Variants in RHBDD1 observed in about 807,000 individuals in gnomAD.
RHBDD1 encodes the protein rhomboid-related protein 4.
RHBDD1 carries 38 observed loss-of-function variants against 36.3 expected under a neutral mutation model. That is an observed-to-expected ratio of 1.05 (90% CI 0.81 to 1.37). RHBDD1 has a LOEUF of 1.37. RHBDD1 is among the 40% of genes most tolerant of loss of function. The pLI is 0.00. For missense variants in RHBDD1, 393 were observed against 377.6 expected, an observed-to-expected ratio of 1.04 and a Z score of -0.34; for synonymous variants, 151 against 136.5, an observed-to-expected ratio of 1.11 and a Z score of -0.74.
chr2:226,938,488 A>G (rs898420490), intron 8 of RHBDD1, among the ~76,000 whole-genome samples: 5 of 152,202 alleles, frequency 3.3e-5, no homozygotes, highest in Non-Finnish European at 5.9e-5. Flanking sequence ...AGAGAATATT[A>G]TAAATACCTC....
At chr2:226,853,746 G>A (rs1436160629) in intron 3 of RHBDD1, among the ~76,000 whole-genome samples, 2 of 152,244 alleles carry the variant, frequency 1.3e-5, no homozygotes, top group African/African-American at 4.8e-5. Flanking sequence ...TGGTGAGAGA[G>A]TCCATGTGAC....
At chr2:226,812,879 A>T in the RHBDD1 span, among the ~76,000 whole-genome samples, 1 of 152,234 alleles carries the variant, frequency 6.6e-6, no homozygotes, top group Non-Finnish European at 1.5e-5. Context: ...ATGTATACAT[A>T]AATATCACTT....
At chr2:226,961,055 G>T (rs887963711) in intron 8 of RHBDD1, among the ~76,000 whole-genome samples, 1 of 152,152 alleles carries the variant, frequency 6.6e-6, no homozygotes, top group East Asian at 1.9e-4. Context: ...AGGGGTGGGG[G>T]AGTAGGCAGA....
In RHBDD1 at chr2:226,968,621, G is replaced by A. The variant is rs150587368; in HGVS notation, c.857-26810G>A. ...TAGCCCACTTGACACACAAAAAAGA[G>A]CATCGCACTTGGAGATTGAATGTTT... is the stretch of plus-strand genomic sequence containing the variant. On this transcript the variant is annotated intron_variant, in intron 8 of 8. Coordinates refer to ENST00000392062, the MANE Select transcript of RHBDD1 (RefSeq NM_001167608.3). 1.5e-3 allele frequency among the ~76,000 whole-genome samples: 227 copies of A among 152,306 alleles called. 1 individual carries two copies. Among genetic ancestry groups the A allele is most frequent in the Non-Finnish European group, 2.7e-3 (186 of 68,026 alleles).
intron 8 of RHBDD1, among the ~76,000 whole-genome samples, chr2:226,928,219 T>C (rs1488074916): frequency 6.6e-6 from 1 of 152,094 alleles, no homozygotes; most frequent in African/African-American, 2.4e-5. Context: ...GAATTGCCTT[T>C]GTACTTTTTT....
At chr2:226,898,301 G>C (rs1011572374) in intron 5 of RHBDD1, among the ~76,000 whole-genome samples, 2 of 152,218 alleles carry the variant, frequency 1.3e-5, no homozygotes. Context: ...AACATTGTCT[G>C]TTATCTTGGA....
At chr2:226,904,768 T>C (rs1281968080) in intron 5 of RHBDD1, among the ~76,000 whole-genome samples, 2 of 152,192 alleles carry the variant, frequency 1.3e-5, no homozygotes, top group Admixed American at 1.3e-4. Flanking sequence ...GCTTGTGGTG[T>C]TTCAGGGAAT....
chr2:226,910,848 A>G (rs2125679911), intron 7 of RHBDD1, among the ~76,000 whole-genome samples: 1 of 152,292 alleles, frequency 6.6e-6, no homozygotes, highest in Middle Eastern at 3.4e-3. Context: ...TGTTCTCATT[A>G]TAATAGATAC....
At chr2:226,850,643 A>G (rs1181937602) in intron 3 of RHBDD1, among the ~76,000 whole-genome samples, 1 of 152,132 alleles carries the variant, frequency 6.6e-6, no homozygotes, top group Non-Finnish European at 1.5e-5. Flanking sequence ...AGATGACATT[A>G]CACTATCCCC....
At chr2:226,954,127 C>T (rs1186935998) in intron 8 of RHBDD1, among the ~76,000 whole-genome samples, 1 of 152,158 alleles carries the variant, frequency 6.6e-6, no homozygotes, top group Admixed American at 6.5e-5. Flanking sequence ...GCAAATAAAA[C>T]AGACGGCACC....
intron 8 of RHBDD1, chr2:226,988,337 C>T: frequency 6.5e-7 from 1 of 1,549,426 alleles, no homozygotes; most frequent in Non-Finnish European, 8.7e-7. Context: ...TGCAGGAAAA[C>T]CAGGTCATAA....
chr2:226,859,139 A>G (rs1021278151), intron 3 of RHBDD1, among the ~76,000 whole-genome samples: 5 of 152,230 alleles, frequency 3.3e-5, no homozygotes, highest in African/African-American at 1.2e-4. Flanking sequence ...TAATGTAGAC[A>G]CATTTAAAAA....
intron 8 of RHBDD1, among the ~76,000 whole-genome samples, chr2:226,973,592 T>C (rs1005298647): frequency 6.6e-6 from 1 of 152,240 alleles, no homozygotes; most frequent in South Asian, 2.1e-4. Context: ...CCTAGTCCCC[T>C]TAGCAAGGAC....
At chr2:226,835,952 C>G (rs543713238), upstream of RHBDD1, 1 of 152,490 alleles carries the variant, frequency 6.6e-6, no homozygotes, top group Non-Finnish European at 1.5e-5. Context: ...AAGCATGCGC[C>G]GCGGCCGAGC....
chr2:226,970,220 ATTG>A (rs1953194058), intron 8 of RHBDD1, among the ~76,000 whole-genome samples: 1 of 151,892 alleles, frequency 6.6e-6, no homozygotes, highest in African/African-American at 2.4e-5. Flanking sequence ...TTTACCTACT[ATTG>A]TTGCTAGCTG....
intron 8 of RHBDD1, among the ~76,000 whole-genome samples, chr2:226,914,808 G>C (rs1196514470): frequency 6.6e-6 from 1 of 152,108 alleles, no homozygotes; most frequent in Admixed American, 6.5e-5. Context: ...AATCTGTCTG[G>C]GGGTAGAGCC....
At chr2:226,932,428 T>C (rs913009516) in intron 8 of RHBDD1, among the ~76,000 whole-genome samples, 1 of 152,174 alleles carries the variant, frequency 6.6e-6, no homozygotes, top group Admixed American at 6.6e-5. Flanking sequence ...CCTGTGATAA[T>C]TATGAGTAAT....
At chr2:226,845,019 ATT>A (rs964279010) in intron 3 of RHBDD1, among the ~76,000 whole-genome samples, 34 of 150,162 alleles carry the variant, frequency 2.3e-4, no homozygotes, top group African/African-American at 8.3e-4. Flanking sequence ...TGATGCTGAC[ATT>A]TTTTTTTTCT....
intron 4 of RHBDD1, among the ~76,000 whole-genome samples, chr2:226,865,860 G>A (rs925623436): frequency 7.2e-5 from 11 of 152,146 alleles, no homozygotes; most frequent in Admixed American, 2.0e-4. Context: ...AACTACAAGC[G>A]AGAAAGGAGG....
Sources: gnomAD v4.1 joint callset for allele counts (sites outside exome capture counted in the v4.1 genomes callset) on GRCh38, gnomAD v4.1.1 for gene constraint, MANE v1.5 for transcripts, NCBI Gene and HGNC (gene_info 2026-07-23, HGNC 2026-07-21) for gene names.